EXOC4: variants seen among roughly 807,000 people sequenced by gnomAD.
EXOC4 encodes the protein exocyst complex component 4, also known as SEC8-like 1.
In EXOC4, 71 loss-of-function variants were observed where a neutral mutation model predicts 107.2. That is an observed-to-expected ratio of 0.66 (90% CI 0.55 to 0.81). EXOC4 has a LOEUF of 0.81. Ranked by LOEUF, EXOC4 falls within the 30% of genes least tolerant of loss-of-function variation. EXOC4 has a pLI of 0.00. For synonymous variants in EXOC4, 456 were observed against 441.2 expected, an observed-to-expected ratio of 1.03 and a Z score of -0.42; for missense variants, 1,108 against 1,189.6, an observed-to-expected ratio of 0.93 and a Z score of 1.01.
At chr7:133,788,270 A>T (rs1337936598) in intron 10 of EXOC4, among the ~76,000 whole-genome samples, 2 of 151,326 alleles carry the variant, frequency 1.3e-5, no homozygotes, top group South Asian at 2.1e-4. Flanking sequence ...CTAAACTTTT[A>T]TTGCAGTGCC....
At chr7:133,446,401 T>C (rs2150800608) in intron 7 of EXOC4, among the ~76,000 whole-genome samples, 1 of 152,358 alleles carries the variant, frequency 6.6e-6, no homozygotes, top group Admixed American at 6.5e-5. Flanking sequence ...TGTTTTTGAA[T>C]GGTTATTCCT....
rs767757991 is a variant in EXOC4 at position 133,514,165 on chromosome 7, G to GT, written c.1417+34038dup. Among the ~76,000 whole-genome samples the GT allele has an allele frequency of 3.3e-3, 484 of 144,744 alleles. 4 individuals carry two copies. Among genetic ancestry groups the GT allele is most frequent in the African/African-American group, 7.9e-3 (315 of 39,762 alleles). The allele number at this position is 144,744 out of a possible 152,430, so 95.0% of individuals were successfully genotyped here. On this transcript the variant is annotated intron_variant, in intron 9 of 17. Transcript: ENST00000253861. ...CCATCTTATTGGAACATCGTTTTTT[G>GT]TTTTTTTTTTTCTTTTGAGACAGGA...
intron 5 of EXOC4, among the ~76,000 whole-genome samples, chr7:133,344,052 A>G (rs537217638): frequency 1.5e-4 from 23 of 152,238 alleles, no homozygotes; most frequent in Admixed American, 8.5e-4. Context: ...CCTGGCTTCA[A>G]GAAGTTCTCC....
At chr7:133,961,571 A>C (rs1800946434) in intron 14 of EXOC4, among the ~76,000 whole-genome samples, 1 of 152,172 alleles carries the variant, frequency 6.6e-6, no homozygotes, top group Admixed American at 6.5e-5. Flanking sequence ...GATAACAGGC[A>C]TGAGCCCCCG....
At chr7:133,439,235 A>T (rs1584918527) in intron 7 of EXOC4, among the ~76,000 whole-genome samples, 1 of 118,248 alleles carries the variant, frequency 8.5e-6, no homozygotes, top group Non-Finnish European at 1.6e-5. Context: ...GCCAGGCTGG[A>T]GTGCAGTGGG....
intron 8 of EXOC4, among the ~76,000 whole-genome samples, chr7:133,476,772 G>A (rs1333609182): frequency 6.6e-6 from 1 of 152,156 alleles, no homozygotes; most frequent in African/African-American, 2.4e-5. Flanking sequence ...TTGAACTATA[G>A]GAAAGTTACT....
intron 9 of EXOC4, among the ~76,000 whole-genome samples, chr7:133,575,397 G>C (rs1297281636): frequency 6.6e-6 from 1 of 152,148 alleles, no homozygotes; most frequent in Admixed American, 6.5e-5. Flanking sequence ...GTAATTTTTA[G>C]AACACTAACT....
chr7:133,824,386 C>T (rs545801718), intron 11 of EXOC4, among the ~76,000 whole-genome samples: 2 of 152,142 alleles, frequency 1.3e-5, no homozygotes, highest in African/African-American at 2.4e-5. Flanking sequence ...TTGCTGTTTA[C>T]GCACCTTCTG....
chr7:133,888,906 A>C (rs186581588), intron 11 of EXOC4, among the ~76,000 whole-genome samples: 2 of 152,320 alleles, frequency 1.3e-5, no homozygotes, highest in South Asian at 2.1e-4. Flanking sequence ...GAGAGGATTA[A>C]ACAAAATAAA....
At chr7:133,989,371 T>C (rs1794193454) in intron 14 of EXOC4, among the ~76,000 whole-genome samples, 1 of 152,186 alleles carries the variant, frequency 6.6e-6, no homozygotes, top group South Asian at 2.1e-4. Flanking sequence ...GGAGCCATCA[T>C]TTCATGGATA....
intron 10 of EXOC4, among the ~76,000 whole-genome samples, chr7:133,705,385 T>G (rs970077716): frequency 7.2e-5 from 11 of 151,994 alleles, no homozygotes; most frequent in Non-Finnish European, 4.4e-5. Flanking sequence ...AGAAGAAGAA[T>G]AATTAAGAGA....
intron 9 of EXOC4, among the ~76,000 whole-genome samples, chr7:133,586,792 C>T (rs1801415443): frequency 6.6e-6 from 1 of 152,070 alleles, no homozygotes; most frequent in African/African-American, 2.4e-5. Flanking sequence ...CAGCTGTGCC[C>T]TCACCTCTGT....
intron 10 of EXOC4, among the ~76,000 whole-genome samples, chr7:133,717,954 A>C (rs1158611702): frequency 6.6e-6 from 1 of 152,210 alleles, no homozygotes; most frequent in East Asian, 1.9e-4. Context: ...ACTTCTTCAC[A>C]GAGGGAATGG....
chr7:134,079,062 A>G, the EXOC4 span, among the ~76,000 whole-genome samples: 2 of 152,206 alleles, frequency 1.3e-5, no homozygotes, highest in Non-Finnish European at 2.9e-5. Flanking sequence ...TTCCTTTAGT[A>G]AACATCAGTA....
At chr7:133,920,486 T>C (rs1799914112) in intron 13 of EXOC4, among the ~76,000 whole-genome samples, 1 of 152,192 alleles carries the variant, frequency 6.6e-6, no homozygotes, top group Non-Finnish European at 1.5e-5. Flanking sequence ...TTTTTACACC[T>C]TGCATTCATC....
intron 7 of EXOC4, among the ~76,000 whole-genome samples, chr7:133,440,363 C>G (rs1367735049): frequency 6.6e-6 from 1 of 152,084 alleles, no homozygotes; most frequent in African/African-American, 2.4e-5. Context: ...CCCCCACCCC[C>G]CCATTACCTA....
At chr7:133,758,567 A>G (rs1795966289) in intron 10 of EXOC4, among the ~76,000 whole-genome samples, 2 of 152,266 alleles carry the variant, frequency 1.3e-5, no homozygotes. Flanking sequence ...AGAAGCAGAT[A>G]TACAAATCAA....
At chr7:133,556,744 G>C (rs759907981) in intron 9 of EXOC4, among the ~76,000 whole-genome samples, 6 of 152,138 alleles carry the variant, frequency 3.9e-5, no homozygotes, top group Non-Finnish European at 8.8e-5. Context: ...TTTTCTGTGG[G>C]TGTTGTTGAA....
chr7:133,569,010 A>G (rs1445487136), intron 9 of EXOC4, among the ~76,000 whole-genome samples: 2 of 152,184 alleles, frequency 1.3e-5, no homozygotes, highest in Non-Finnish European at 2.9e-5. Context: ...AAAAATAAGT[A>G]AGCAAATAAA....
Sources: gnomAD v4.1 joint callset for allele counts (sites outside exome capture counted in the v4.1 genomes callset) on GRCh38, gnomAD v4.1.1 for gene constraint, MANE v1.5 for transcripts, NCBI Gene and HGNC (gene_info 2026-07-23, HGNC 2026-07-21) for gene names.